HK1: variants seen among roughly 807,000 people sequenced by gnomAD.
The protein encoded by HK1 is hexokinase 1, also known as hexokinase-1.
In HK1, 28 loss-of-function variants were observed where a neutral mutation model predicts 91.6. That is an observed-to-expected ratio of 0.31 (90% CI 0.23 to 0.42). The LOEUF is 0.42. Among genes scored for constraint, HK1 ranks in the 10% least tolerant of loss-of-function variants. HK1 has a pLI of 1.00. For synonymous variants in HK1, 430 were observed against 468.1 expected (o/e 0.92, Z 1.05); for missense variants, 770 against 1,219.8 (o/e 0.63, Z 5.49).
chr10:69,391,182 C>CT (rs1441187720), intron 14 of HK1, among the ~76,000 whole-genome samples: 1 of 152,354 alleles, frequency 6.6e-6, no homozygotes, highest in Non-Finnish European at 1.5e-5. Flanking sequence ...GAAGAATCCT[C>CT]TGATCTTCAA....
At chr10:69,319,069 C>T in intron 1 of HK1, 59 bp downstream of exon 1, 3 of 1,544,990 alleles carry the variant, frequency 1.9e-6, no homozygotes, top group Non-Finnish European at 2.6e-6. Context: ...CCGGCATCCG[C>T]TCGCCGCCTC....
At chr10:69,392,443 C>T (rs1589585557) in intron 15 of HK1, 135 bp downstream of exon 15, 1 of 874,088 alleles carries the variant, frequency 1.1e-6, no homozygotes, top group East Asian at 2.6e-5. Flanking sequence ...CCCCCTGGCT[C>T]ACTCCTGACC....
intron 1 of HK1, chr10:69,338,234 C>G (rs1000500551): frequency 8.9e-7 from 1 of 1,123,882 alleles, no homozygotes; most frequent in East Asian, 6.1e-5. Flanking sequence ...GCCGGTCTGG[C>G]TACCCTCATA....
chr10:69,369,361 C>T lies in HK1; in HGVS notation c.691+25C>T. 2 of 1,613,294 alleles carry T rather than the reference C, an allele frequency of 1.2e-6. No homozygotes were observed. Among genetic ancestry groups the T allele is most frequent in the Non-Finnish European group, 1.7e-6 (2 of 1,179,194 alleles). On this transcript the variant is annotated intron_variant, in intron 6 of 17. Transcript: ENST00000359426. This position sits in a 1 kb window ranked among gnomAD's most constrained non-coding sequence, Gnocchi z 4.4. Reference sequence around the variant, plus strand: ...GGTAATGCATTCCCCTTTGCCCATCCATTTGTTCGGCCCATCTTTCCAGGT... The same window carrying T: ...GGTAATGCATTCCCCTTTGCCCATCTATTTGTTCGGCCCATCTTTCCAGGT...
At chr10:69,364,983 C>T (rs1030308592) in intron 4 of HK1, 81 bp downstream of exon 4, 14 of 1,531,482 alleles carry the variant, frequency 9.1e-6, no homozygotes, top group Non-Finnish European at 1.2e-5. Flanking sequence ...CACAACTTTT[C>T]CCCTTTGTTG....
intron 2 of HK1, among the ~76,000 whole-genome samples, chr10:69,352,137 C>T (rs1286798188): frequency 6.6e-6 from 1 of 151,954 alleles, no homozygotes; most frequent in Non-Finnish European, 1.5e-5. Context: ...GGATTACAGG[C>T]ACCTACCACT....
At chr10:69,366,896 C>T (rs1346691615) in intron 4 of HK1, among the ~76,000 whole-genome samples, 9 of 152,332 alleles carry the variant, frequency 5.9e-5, no homozygotes, top group African/African-American at 2.2e-4. Context: ...GTGCTCTCTG[C>T]AGCTATTGAC....
At chr10:69,271,099 A>G (rs1844136427) in intron 1 of HK1, 1 of 152,208 alleles carries the variant, frequency 6.6e-6, no homozygotes. Context: ...CCTGCTCTGT[A>G]AGAATTCATA....
chr10:69,320,297 C>T (rs1300067246), intron 1 of HK1, among the ~76,000 whole-genome samples: 2 of 152,050 alleles, frequency 1.3e-5, no homozygotes, highest in Non-Finnish European at 2.9e-5. Context: ...GAGACAAAGC[C>T]GCTGGGGACC....
intron 7 of HK1, among the ~76,000 whole-genome samples, chr10:69,372,801 T>C (rs574397162): frequency 1.3e-5 from 2 of 152,302 alleles, no homozygotes; most frequent in East Asian, 3.9e-4. Context: ...TTGGCCTGGG[T>C]TGCCCAGTCC....
At position 69,286,330 on chromosome 10, in the gene HK1, TC is replaced by T. The variant is rs1365550121; in HGVS notation, c.-214-2340del. Among the ~76,000 whole-genome samples the T allele has an allele frequency of 8.5e-5, 13 of 152,192 alleles. No homozygotes were observed. In the East Asian group the frequency reaches 2.5e-3, roughly 29 times the overall value. ...CTGGGCAACATAGTGAGATCCCGTC[TC>T]TACAAAAAATTAAAAAATTAGCCAG... On this transcript the variant is annotated intron_variant, in intron 2 of 21. Coordinates refer to the HK1 transcript ENST00000360289.
upstream of HK1, among the ~76,000 whole-genome samples, chr10:69,314,660 C>T (rs189493853): frequency 5.2e-3 from 678 of 131,064 alleles, 4 homozygotes; most frequent in Middle Eastern, 0.026. Context: ...CTCTTCTCTT[C>T]TCTCTTTTCT....
At chr10:69,279,477 C>A (rs1206633968) in intron 1 of HK1, among the ~76,000 whole-genome samples, 2 of 152,124 alleles carry the variant, frequency 1.3e-5, no homozygotes, top group Non-Finnish European at 2.9e-5. Flanking sequence ...GACTGAGAGG[C>A]TGAACTGGGT....
In HK1 at chr10:69,401,517, C is replaced by T. The variant is rs575872509; in HGVS notation, c.*382C>T. 2.8e-6 allele frequency: 1 copy of T among 359,728 alleles called. No individual in the cohort carries two copies. The highest frequency in any genetic ancestry group is 4.3e-5 in the Admixed American group (1 of 23,148). The allele number at this position is 359,728 out of a possible 1,614,324, so 22.3% of individuals were successfully genotyped here. ...CCTCCAAAGCCCATCCTTGGGGTTC[C>T]CCCTCCCTGTGTGAAATGTATTATC... On this transcript the variant is annotated 3_prime_UTR_variant, in exon 18 of 18. Transcript: ENST00000359426.
intron 1 of HK1, among the ~76,000 whole-genome samples, chr10:69,329,897 G>T (rs1350664449): frequency 6.6e-6 from 1 of 151,832 alleles, no homozygotes; most frequent in Non-Finnish European, 1.5e-5. Context: ...CCTTCCACTT[G>T]GGAAGGAAAT....
chr10:69,400,145 G>T (rs1840321786), intron 17 of HK1, among the ~76,000 whole-genome samples: 1 of 152,198 alleles, frequency 6.6e-6, no homozygotes, highest in African/African-American at 2.4e-5. Context: ...GCAGCCACTG[G>T]CAGGACTAGA....
chr10:69,379,843 T>C lies in HK1; in HGVS notation c.1032-19T>C, dbSNP rs760094380. On this transcript the variant is annotated intron_variant, in intron 8 of 17. Coordinates refer to ENST00000359426, the MANE Select transcript of HK1 (RefSeq NM_000188.3). ...TCATGTGGTCCTCAGTGCATCAGTA[T>C]TGGCTTCTAACTTCACAGGAATAAG... The C allele has an allele frequency of 2.0e-5, 31 of 1,568,042 alleles. 1 individual carries two copies. The South Asian group carries it at 3.4e-4, about 17-fold the overall frequency.
intron 5 of HK1, among the ~76,000 whole-genome samples, chr10:69,304,860 T>C (rs1047528736): frequency 2.6e-5 from 4 of 152,182 alleles, no homozygotes; most frequent in Non-Finnish European, 4.4e-5. Context: ...CGGTTCCTTG[T>C]AGCTGTAGGA....
intron 2 of HK1, 141 bp from the exon 3 acceptor site, chr10:69,359,756 C>A: frequency 1.2e-6 from 1 of 818,838 alleles, no homozygotes; most frequent in South Asian, 1.4e-5. Flanking sequence ...ATGAAGTTTG[C>A]ATGATTGCTG....
Sources: allele counts gnomAD v4.1 joint callset (sites outside exome capture counted in the v4.1 genomes callset), GRCh38; gene constraint gnomAD v4.1.1; non-coding constraint Gnocchi (gnomAD v3.1); transcripts MANE v1.5; gene names NCBI Gene and HGNC (gene_info 2026-07-23, HGNC 2026-07-21).